CD86: variants seen among roughly 807,000 people sequenced by gnomAD.
CD86 encodes the protein T-lymphocyte activation antigen CD86.
Under a neutral mutation model 32.1 loss-of-function variants are expected in CD86, and 11 were observed. That is an observed-to-expected ratio of 0.34 (90% confidence interval 0.22 to 0.57). The LOEUF is 0.57. CD86 is among the 20% of genes least tolerant of loss of function. The probability of loss-of-function intolerance (pLI) is 0.86; values close to 1 mark genes in which losing one functional copy is unlikely to be tolerated. For missense variants in CD86, 359 were observed against 398.4 expected (o/e 0.90, Z 0.84); for synonymous variants, 137 against 135.3 (o/e 1.01, Z -0.09).
At chr3:122,091,176 G>C (rs935272883) in intron 1 of CD86, among the ~76,000 whole-genome samples, 2 of 152,186 alleles carry the variant, frequency 1.3e-5, no homozygotes, top group Non-Finnish European at 2.9e-5. Context: ...AGTTGTGGGA[G>C]AGGTGTAAAG....
intron 5 of CD86, among the ~76,000 whole-genome samples, chr3:122,110,712 A>G (rs1257660986): frequency 6.6e-6 from 1 of 152,198 alleles, no homozygotes; most frequent in Non-Finnish European, 1.5e-5. Flanking sequence ...TCTATGATAT[A>G]AAAGTATAAA....
At chr3:122,092,912 C>G (rs2107528155) in intron 2 of CD86, among the ~76,000 whole-genome samples, 1 of 152,290 alleles carries the variant, frequency 6.6e-6, no homozygotes, top group South Asian at 2.1e-4. Context: ...TAAGCCTTTT[C>G]AGATTTCTGT....
At position 122,119,521 on chromosome 3, in the gene CD86, A is replaced by T. The variant is rs1194801130; in HGVS notation, c.977A>T (p.Asp326Val). The part of the protein sequence containing the change: ...SSKTSSCDKS[D>V]TCF ...AAGACATCTTCATGCGACAAAAGTG[A>T]TACATGTTTTTAATTAAAGAGTAAA... is the stretch of plus-strand genomic sequence containing the variant. The change falls in exon 7 of 7, where the codon GAT becomes GTT. Residue 326 changes from aspartate to valine, a missense_variant. By Grantham distance (152) the Asp-to-Val change is radical. Coordinates refer to ENST00000330540, the MANE Select transcript of CD86 (RefSeq NM_175862.5). 6.3e-7 allele frequency: 1 copy of T among 1,594,620 alleles called. No individual in the cohort carries two copies. Among genetic ancestry groups the T allele is most frequent in the Non-Finnish European group, 8.6e-7 (1 of 1,162,552 alleles).
intron 3 of CD86, among the ~76,000 whole-genome samples, chr3:122,105,325 A>G (rs183225069): frequency 2.4e-4 from 37 of 152,252 alleles, no homozygotes; most frequent in African/African-American, 7.7e-4. Flanking sequence ...CATAGACTCC[A>G]AGAAGACTGC....
At chr3:122,081,502 A>T (rs1183246381) in intron 1 of CD86, among the ~76,000 whole-genome samples, 1 of 152,214 alleles carries the variant, frequency 6.6e-6, no homozygotes, top group African/African-American at 2.4e-5. Flanking sequence ...TATTATCAGG[A>T]ATCTGTCTAG....
At chr3:122,064,369 AC>A (rs2072383812) in intron 1 of CD86, among the ~76,000 whole-genome samples, 1 of 152,222 alleles carries the variant, frequency 6.6e-6, no homozygotes, top group Admixed American at 6.5e-5. Flanking sequence ...GATCTTCAGT[AC>A]AATTACATTG....
intron 1 of CD86, among the ~76,000 whole-genome samples, chr3:122,071,018 T>C (rs2107507085): frequency 6.6e-6 from 1 of 152,356 alleles, no homozygotes; most frequent in Middle Eastern, 3.4e-3. Flanking sequence ...GAGCACATAG[T>C]ACGAGAATTC....
At chr3:122,118,850 T>C (rs190656030) in intron 6 of CD86, among the ~76,000 whole-genome samples, 13 of 152,306 alleles carry the variant, frequency 8.5e-5, no homozygotes, top group Admixed American at 6.5e-5. Flanking sequence ...TACATAAAAG[T>C]TCGTGGTGAT....
intron 2 of CD86, among the ~76,000 whole-genome samples, chr3:122,096,117 G>A (rs1300789818): frequency 6.6e-6 from 1 of 152,222 alleles, no homozygotes; most frequent in Non-Finnish European, 1.5e-5. Context: ...GGCTAGAGGA[G>A]TGCAGTGGTG....
chr3:122,056,732 CAGA>C (rs1450010456), intron 1 of CD86, among the ~76,000 whole-genome samples: 1 of 152,190 alleles, frequency 6.6e-6, no homozygotes, highest in Non-Finnish European at 1.5e-5. Context: ...GCTTTTATTT[CAGA>C]AGATTAAAAT....
chr3:122,101,513 A>ATATATATATATAT (rs1553753638), intron 2 of CD86, among the ~76,000 whole-genome samples: 9 of 46,322 alleles, frequency 1.9e-4, no homozygotes, highest in African/African-American at 4.3e-4. Context: ...AAAAAAAAAA[A>ATATATATATATAT]ATATATATAT....
chr3:122,079,850 A>G (rs1304344984), intron 1 of CD86, among the ~76,000 whole-genome samples: 3 of 152,286 alleles, frequency 2.0e-5, no homozygotes, highest in Admixed American at 2.0e-4. Flanking sequence ...TCCTTTATTC[A>G]TGGACGGATA....
chr3:122,072,666 C>G (rs2072504749), intron 1 of CD86, among the ~76,000 whole-genome samples: 1 of 151,720 alleles, frequency 6.6e-6, no homozygotes, highest in Non-Finnish European at 1.5e-5. Flanking sequence ...AAAATTTTTT[C>G]CCATTTTGTA....
chr3:122,080,296 G>A (rs1420798875), intron 1 of CD86, among the ~76,000 whole-genome samples: 5 of 151,546 alleles, frequency 3.3e-5, no homozygotes, highest in African/African-American at 1.2e-4. Flanking sequence ...TGGCAAAAAG[G>A]AAAAAAAATC....
At chr3:122,062,243 G>A (rs2107499378) in intron 1 of CD86, among the ~76,000 whole-genome samples, 1 of 152,228 alleles carries the variant, frequency 6.6e-6, no homozygotes, top group Middle Eastern at 3.4e-3. Context: ...GCAATAAGAG[G>A]ATACTTTCGT....
At chr3:122,111,554 C>T (rs2073174036) in intron 5 of CD86, among the ~76,000 whole-genome samples, 1 of 152,178 alleles carries the variant, frequency 6.6e-6, no homozygotes, top group South Asian at 2.1e-4. Flanking sequence ...AAGGAGAGAT[C>T]TGAAACTTGA....
chr3:122,093,528 C>T (rs940779608), intron 2 of CD86, among the ~76,000 whole-genome samples: 5 of 152,194 alleles, frequency 3.3e-5, no homozygotes, highest in Non-Finnish European at 7.3e-5. Flanking sequence ...GCCTGCACAG[C>T]ATGTTACTGT....
intron 2 of CD86, among the ~76,000 whole-genome samples, chr3:122,101,036 T>C (rs2072991397): frequency 6.6e-6 from 1 of 152,106 alleles, no homozygotes; most frequent in Non-Finnish European, 1.5e-5. Context: ...AAGCCAGTGG[T>C]TGGTGAGGTG....
Position 122,115,740 on chromosome 3 carries a change from C to CAAAAA in CD86, c.848-2285_848-2281dup, listed in dbSNP as rs769868417. Among the ~76,000 whole-genome samples, 48 of 27,526 alleles carry CAAAAA rather than the reference C, an allele frequency of 1.7e-3. 3 individuals are homozygous for CAAAAA. Among genetic ancestry groups the CAAAAA allele is most frequent in the Non-Finnish European group, 2.1e-3 (31 of 14,480 alleles). 18.1% of individuals were successfully genotyped at this position (27,526 alleles called of 152,430 possible). On this transcript the variant is annotated intron_variant, in intron 5 of 6. Transcript: ENST00000330540. ...GGGCAACAAGAGTGAAACTCCCTCT[C>CAAAAA]AAAAAAAAAAAAAAAAAAAAAAAAA... is the stretch of plus-strand genomic sequence containing the variant.
Sources: gnomAD v4.1 joint callset for allele counts (sites outside exome capture counted in the v4.1 genomes callset) on GRCh38, gnomAD v4.1.1 for gene constraint, MANE v1.5 for transcripts, NCBI Gene and HGNC (gene_info 2026-07-23, HGNC 2026-07-21) for gene names.